The following PLPPR5 variants were observed in gnomAD, a reference collection of about 807,000 sequenced individuals.
The protein encoded by PLPPR5 is phospholipid phosphatase related 5, also known as phospholipid phosphatase-related protein type 5.
In PLPPR5, 16 loss-of-function variants were observed where a neutral mutation model predicts 33.9. The observed-to-expected ratio is 0.47, with a 90% CI of 0.32 to 0.72. PLPPR5 has a LOEUF of 0.72. PLPPR5 is among the 30% of genes least tolerant of loss of function. The pLI, the probability that PLPPR5 is intolerant of heterozygous loss-of-function variation, is 0.03. For synonymous variants in PLPPR5, 163 were observed against 150.3 expected (o/e 1.08, Z -0.62); for missense variants, 301 against 406.7 (o/e 0.74, Z 2.23).
At chr1:98,932,008 A>G (rs960212780) in intron 3 of PLPPR5, among the ~76,000 whole-genome samples, 1 of 152,158 alleles carries the variant, frequency 6.6e-6, no homozygotes, top group African/African-American at 2.4e-5. Context: ...ATGTGCACCC[A>G]TGAGTTTGAA....
chr1:99,000,487 AT>A (rs1477991545), intron 1 of PLPPR5, among the ~76,000 whole-genome samples: 2 of 152,100 alleles, frequency 1.3e-5, no homozygotes, highest in East Asian at 3.9e-4. Context: ...TGTATACGCC[AT>A]TTTCCCCACA....
intron 1 of PLPPR5, among the ~76,000 whole-genome samples, chr1:98,985,635 T>G (rs1368763799): frequency 6.6e-6 from 1 of 152,046 alleles, no homozygotes; most frequent in East Asian, 1.9e-4. Context: ...CCTATACAGG[T>G]GTACCATTTT....
At chr1:99,003,295 TAA>T (rs925690866) in intron 1 of PLPPR5, among the ~76,000 whole-genome samples, 1 of 149,530 alleles carries the variant, frequency 6.7e-6, no homozygotes, top group Non-Finnish European at 1.5e-5. Context: ...CTCCTAAAAT[TAA>T]AAAAAAAGAT....
chr1:98,947,005 A>C (rs1453276376), intron 3 of PLPPR5, among the ~76,000 whole-genome samples: 1 of 152,148 alleles, frequency 6.6e-6, no homozygotes, highest in Non-Finnish European at 1.5e-5. Context: ...TGGAAGTCAT[A>C]ATACAGCCCT....
In PLPPR5 at chr1:99,004,633, G is replaced by A. The variant is rs747818110; in HGVS notation, c.39C>T (p.Leu13=). 1.3e-5 allele frequency: 21 copies of A among 1,612,760 alleles called. No individual in the cohort carries two copies. The highest frequency in any genetic ancestry group is 2.7e-5 in the African/African-American group (2 of 74,910). ...LLPAALTSSM[L]YFQMVIMAGT... The stretch of plus-strand genomic sequence containing the variant: ...CTGCCATGATCACCATCTGGAAATA[G>A]AGCATGCTGCTGGTGAGCGCCGCGG... Residue 13 remains leucine (L), a synonymous_variant, in exon 1 of 6, where the codon CTC becomes CTT. Transcript: ENST00000263177.
rs1378617768 is a variant in PLPPR5 at position 98,908,020 on chromosome 1, G to A, written c.933+6766C>T. Among the ~76,000 whole-genome samples the A allele has an allele frequency of 5.3e-5, 8 of 152,188 alleles. No individual in the cohort carries two copies. The East Asian group carries it at 1.5e-3, about 29-fold the overall frequency. ...CTAATAGTGAGAAGCCTAATCCAAG[G>A]ACAGCTTCTTGTCTGAGAGCTTTCT... On this transcript the variant is annotated intron_variant, in intron 5 of 5. Transcript: ENST00000263177.
At chr1:98,917,918 G>A (rs1256843937) in intron 4 of PLPPR5, among the ~76,000 whole-genome samples, 2 of 152,170 alleles carry the variant, frequency 1.3e-5, no homozygotes, top group Non-Finnish European at 2.9e-5. Flanking sequence ...AAGCATCTAG[G>A]ACAGAAATTC....
At chr1:98,899,655 CTTGTT>C (rs1451113196) in intron 5 of PLPPR5, among the ~76,000 whole-genome samples, 5 of 138,566 alleles carry the variant, frequency 3.6e-5, no homozygotes, top group African/African-American at 1.4e-4. Context: ...GTTTATTTCA[CTTGTT>C]TTTTTTTTTT....
intron 3 of PLPPR5, 92 bp from the exon 4 acceptor site, chr1:98,922,150 G>T: frequency 8.4e-7 from 1 of 1,183,792 alleles, no homozygotes; most frequent in Non-Finnish European, 1.2e-6. Flanking sequence ...TATATTTATA[G>T]ACATATATAC....
At chr1:98,897,615 A>G (rs1184338376) in intron 5 of PLPPR5, among the ~76,000 whole-genome samples, 1 of 152,148 alleles carries the variant, frequency 6.6e-6, no homozygotes, top group African/African-American at 2.4e-5. Flanking sequence ...ACCTAAACAT[A>G]AAATGGGATC....
intron 2 of PLPPR5, among the ~76,000 whole-genome samples, chr1:98,955,365 A>G (rs1324703089): frequency 6.6e-6 from 1 of 152,156 alleles, no homozygotes; most frequent in Non-Finnish European, 1.5e-5. Context: ...GCTTAACAGT[A>G]TTTAGGAAAG....
At chr1:98,916,958 TCA>T (rs1274088200) in intron 4 of PLPPR5, among the ~76,000 whole-genome samples, 1 of 152,156 alleles carries the variant, frequency 6.6e-6, no homozygotes, top group East Asian at 1.9e-4. Context: ...TCTCCGAGTC[TCA>T]GTTTTATCAA....
At chr1:98,965,408 C>T (rs1397032835) in intron 1 of PLPPR5, among the ~76,000 whole-genome samples, 1 of 152,222 alleles carries the variant, frequency 6.6e-6, no homozygotes, top group East Asian at 1.9e-4. Context: ...TGGATCTACA[C>T]ACTGTCTGCT....
intron 1 of PLPPR5, among the ~76,000 whole-genome samples, chr1:98,997,252 T>C (rs1652663694): frequency 6.6e-6 from 1 of 152,128 alleles, no homozygotes; most frequent in Non-Finnish European, 1.5e-5. Flanking sequence ...TTAAAAAAAC[T>C]GAGGCTTGGA....
intron 1 of PLPPR5, among the ~76,000 whole-genome samples, chr1:98,988,099 G>A (rs2100758010): frequency 6.6e-6 from 1 of 152,154 alleles, no homozygotes; most frequent in East Asian, 1.9e-4. Context: ...AACTTTGACT[G>A]GAATGTGGTA....
intron 1 of PLPPR5, among the ~76,000 whole-genome samples, chr1:99,001,673 T>TATATATATATATATAG (rs1557699469): frequency 2.1e-4 from 8 of 38,708 alleles, no homozygotes; most frequent in Non-Finnish European, 4.6e-4. Flanking sequence ...AAGTTAAAGA[T>TATATATATATATATAG]ATATATATAT....
chr1:98,978,892 G>T (rs1570751060), intron 1 of PLPPR5, among the ~76,000 whole-genome samples: 2 of 151,976 alleles, frequency 1.3e-5, no homozygotes, highest in East Asian at 3.9e-4. Context: ...CTCTCTCAAT[G>T]AATTATTAGT....
In PLPPR5 at chr1:98,893,618, CTT is replaced by C. The variant is rs58092144; in HGVS notation, c.934-516_934-515del. Among the ~76,000 whole-genome samples the C allele has an allele frequency of 1.4e-4, 13 of 90,092 alleles. No individual in the cohort carries two copies. The South Asian group carries it at 1.7e-3, about 12-fold the overall frequency. The allele number at this position is 90,092 out of a possible 152,430, so 59.1% of individuals were successfully genotyped here. On this transcript the variant is annotated intron_variant, in intron 5 of 5. Coordinates refer to ENST00000263177, the MANE Select transcript of PLPPR5 (RefSeq NM_001037317.2). Reference sequence around the variant, plus strand: ...TCTACCACAGAATTCTTCACAGCGCCTTTTTTTTTTTTTTTTTTTTTTGGGAA... The same window carrying C: ...TCTACCACAGAATTCTTCACAGCGCCTTTTTTTTTTTTTTTTTTTTGGGAA...
chr1:98,941,601 A>C (rs1259595778), intron 3 of PLPPR5, among the ~76,000 whole-genome samples: 1 of 151,684 alleles, frequency 6.6e-6, no homozygotes, highest in African/African-American at 2.4e-5. Context: ...CCAAGGAGAA[A>C]ATATTTCCCT....
Sources: allele counts gnomAD v4.1 joint callset (sites outside exome capture counted in the v4.1 genomes callset), GRCh38; gene constraint gnomAD v4.1.1; transcripts MANE v1.5; gene names NCBI Gene and HGNC (gene_info 2026-07-23, HGNC 2026-07-21).